Variants in CDON observed in about 807,000 individuals in gnomAD.
CDON encodes cell adhesion associated, oncogene regulated.
CDON carries 73 observed loss-of-function variants against 120.9 expected under a neutral mutation model. That is an observed-to-expected ratio of 0.60 (90% CI 0.50 to 0.73). The LOEUF (loss-of-function observed/expected upper bound fraction) is 0.73. Among genes scored for constraint, CDON ranks in the 30% least tolerant of loss-of-function variants. The pLI, the probability that CDON is intolerant of heterozygous loss-of-function variation, is 0.00. For missense variants in CDON, 1,470 were observed against 1,587.3 expected, an observed-to-expected ratio of 0.93 and a Z score of 1.26; for synonymous variants, 566 against 573.5, an observed-to-expected ratio of 0.99 and a Z score of 0.19.
At chr11:126,049,282 G>A (rs1948494632) in intron 1 of CDON, among the ~76,000 whole-genome samples, 1 of 152,084 alleles carries the variant, frequency 6.6e-6, no homozygotes, top group South Asian at 2.1e-4. Flanking sequence ...AGAGGGCCTG[G>A]TTCTGATATT....
intron 1 of CDON, among the ~76,000 whole-genome samples, chr11:126,024,734 G>T (rs987311193): frequency 6.6e-6 from 1 of 152,112 alleles, no homozygotes; most frequent in African/African-American, 2.4e-5. Context: ...ACGTATGAAC[G>T]CCTTGGCACT....
intron 1 of CDON, among the ~76,000 whole-genome samples, chr11:126,059,815 C>T (rs962287579): frequency 2.0e-5 from 3 of 151,782 alleles, no homozygotes; most frequent in Non-Finnish European, 4.4e-5. Flanking sequence ...TTTAAAAAGC[C>T]ACATTAATAA....
intron 1 of CDON, among the ~76,000 whole-genome samples, chr11:126,038,887 A>G (rs1384670283): frequency 6.6e-6 from 1 of 152,218 alleles, no homozygotes; most frequent in East Asian, 1.9e-4. Context: ...GTTGATTTAA[A>G]TTACCTTCTT....
In CDON at chr11:125,958,861, A is replaced by C. The variant is rs1212238361; in HGVS notation, c.*2081T>G. 2 of 152,352 alleles carry C rather than the reference A, an allele frequency of 1.3e-5. No individual in the cohort carries two copies. The highest frequency in any genetic ancestry group is 2.9e-5 in the Non-Finnish European group (2 of 68,006). 9.4% of individuals were successfully genotyped at this position (152,352 alleles called of 1,614,324 possible). ...GGCTGTCTACGGACAATGACTCCCCAGTTTTCTAAAACTCCCTTTGTGACA... is the reference window on the plus strand; with the variant it reads ...GGCTGTCTACGGACAATGACTCCCCCGTTTTCTAAAACTCCCTTTGTGACA... On this transcript the variant is annotated 3_prime_UTR_variant, in exon 20 of 20. Transcript: ENST00000531738.
chr11:125,981,359 CGCACACACACACACGCACGCACACAT>C, intron 16 of CDON, 30 bp from the exon 17 acceptor site: 8 of 1,362,246 alleles, frequency 5.9e-6, no homozygotes, highest in Non-Finnish European at 8.2e-6. Flanking sequence ...AAGACACACA[CGCACACACACACACGCACGCACACAT>C]GCACATACGC....
Position 125,960,958 on chromosome 11 carries a change from T to C in CDON, c.3779A>G (p.Gln1260Arg). 2 of 1,614,210 alleles carry C rather than the reference T, an allele frequency of 1.2e-6. No homozygotes were observed. Among genetic ancestry groups the C allele is most frequent in the Non-Finnish European group, 1.7e-6 (2 of 1,180,034 alleles). ...PLDSPTEVLQ[Q>R]PRET ...TGCATGTCCTCAGGTTTCCCGGGGC[T>C]GCTGAAGGACCTCTGTCGGGCTGTC... is the stretch of plus-strand genomic sequence containing the variant. Residue 1260 changes from glutamine (Q) to arginine (R), a missense_variant, in exon 20 of 20, where the codon CAG becomes CGG. Gln to Arg is a conservative substitution (Grantham distance 43, BLOSUM62 1). Transcript: ENST00000531738.
intron 12 of CDON, among the ~76,000 whole-genome samples, chr11:125,996,317 T>A (rs1046724724): frequency 6.6e-6 from 1 of 152,006 alleles, no homozygotes; most frequent in African/African-American, 2.4e-5. Flanking sequence ...GAAAGGTAAA[T>A]CTCTACTAAA....
intron 1 of CDON, among the ~76,000 whole-genome samples, chr11:126,040,612 G>A (rs980181215): frequency 7.0e-6 from 1 of 143,882 alleles, no homozygotes. Context: ...TCAGGAGATC[G>A]AGACCATCCT....
At chr11:126,002,855 C>T (rs945082492) in intron 10 of CDON, among the ~76,000 whole-genome samples, 52 of 152,312 alleles carry the variant, frequency 3.4e-4, no homozygotes, top group African/African-American at 1.2e-3. Flanking sequence ...CTCTCCCCTA[C>T]AGCCTCCTCA....
At chr11:126,037,242 AG>A (rs1046356479) in intron 1 of CDON, among the ~76,000 whole-genome samples, 1 of 151,956 alleles carries the variant, frequency 6.6e-6, no homozygotes, top group Non-Finnish European at 1.5e-5. Flanking sequence ...GCTGGACCAC[AG>A]GTGTGCACCA....
intron 1 of CDON, among the ~76,000 whole-genome samples, chr11:126,038,768 C>A (rs976031340): frequency 6.6e-6 from 1 of 152,158 alleles, no homozygotes; most frequent in African/African-American, 2.4e-5. Context: ...CATAACTCCA[C>A]ATAAACATCT....
At chr11:126,012,277 A>G (rs1947324793) in intron 7 of CDON, among the ~76,000 whole-genome samples, 1 of 152,200 alleles carries the variant, frequency 6.6e-6, no homozygotes, top group Non-Finnish European at 1.5e-5. Flanking sequence ...AATACTGAAT[A>G]CAATATATAA....
Position 126,005,870 on chromosome 11 carries a change from G to A in CDON, c.1740C>T (p.Pro580=). ...NASGISVPDA[P]IILSPPQTHT... is the part of the protein sequence containing the mutation. ...GGGTCTGTGGGGGGCTCAGTATGAT[G>A]GGGGCATCAGGAACAGAGATGCCGC... is the stretch of plus-strand genomic sequence containing the variant. Residue 580 remains proline (P), a synonymous_variant, in exon 9 of 20, where the codon CCC becomes CCT. Transcript: ENST00000531738. 6.2e-7 allele frequency: 1 copy of A among 1,613,984 alleles called. No individual in the cohort carries two copies. Among genetic ancestry groups the A allele is most frequent in the Non-Finnish European group, 8.5e-7 (1 of 1,179,960 alleles).
intron 1 of CDON, among the ~76,000 whole-genome samples, chr11:126,032,599 A>T (rs539106453): frequency 2.6e-5 from 4 of 152,334 alleles, no homozygotes; most frequent in South Asian, 4.1e-4. Flanking sequence ...AAAACAGTTG[A>T]GGATAAGAGA....
At chr11:126,015,187 A>G (rs762186351) in intron 7 of CDON, 54 bp downstream of exon 7, 11 of 1,525,108 alleles carry the variant, frequency 7.2e-6, no homozygotes, top group Non-Finnish European at 9.1e-6. Flanking sequence ...GACCACAACA[A>G]AAGCCCATCT....
chr11:125,961,812 T>A lies in CDON; in HGVS notation c.3543A>T (p.Glu1181Asp). The A allele has an allele frequency of 6.2e-7, 1 of 1,614,176 alleles. No individual in the cohort carries two copies. The highest frequency in any genetic ancestry group is 8.5e-7 in the Non-Finnish European group (1 of 1,180,020). Residue 1181 changes from glutamate to aspartate, a missense_variant, in exon 19 of 20, where the codon GAA becomes GAT. Transcript: ENST00000531738. ...AGCAGGTACGCTGAGTAGGGACTGG[T>A]TCCACATTGTCCTTGACGCTCTCCT... ...LPEESVKDNV[E>D]PVPTQRTCCQ...
At chr11:126,010,220 GTCATCAGGAAAAAATA>G (rs1226058174) in intron 8 of CDON, 105 bp downstream of exon 8, 1 of 751,626 alleles carries the variant, frequency 1.3e-6, no homozygotes, top group Non-Finnish European at 2.2e-6. Context: ...ACATTTCACT[GTCATCAGGAAAAAATA>G]TAGAGAGATT....
chr11:125,968,015 C>T (rs1049653533), intron 18 of CDON, among the ~76,000 whole-genome samples: 1 of 152,056 alleles, frequency 6.6e-6, no homozygotes, highest in Non-Finnish European at 1.5e-5. Context: ...GGCCACCACG[C>T]CTGGCTAAAA....
rs1435876291 is a variant in CDON, at chr11:125,959,678, C to T, written c.*1264G>A. 6.6e-6 allele frequency: 1 copy of T among 152,064 alleles called. No individual in the cohort carries two copies. The highest frequency in any genetic ancestry group is 1.5e-5 in the Non-Finnish European group (1 of 68,020). The allele number at this position is 152,064 out of a possible 1,614,324, so 9.4% of individuals were successfully genotyped here. The stretch of plus-strand genomic sequence containing the variant: ...AAAGTAAGTCTTTTCTGACACTCAC[C>T]CCTGCAGGCCGTTGCCTATGCTGGA... On this transcript the variant is annotated 3_prime_UTR_variant, in exon 20 of 20. Coordinates refer to ENST00000531738, the MANE Select transcript of CDON (RefSeq NM_001378964.1).
Sources: gnomAD v4.1 joint callset for allele counts (sites outside exome capture counted in the v4.1 genomes callset) on GRCh38, gnomAD v4.1.1 for gene constraint, MANE v1.5 for transcripts, NCBI Gene and HGNC (gene_info 2026-07-23, HGNC 2026-07-21) for gene names.